LRRC4C: variants seen among roughly 807,000 people sequenced by gnomAD.
The protein encoded by LRRC4C is leucine rich repeat containing 4C.
Under a neutral mutation model 33.6 loss-of-function variants are expected in LRRC4C, and 5 were observed. That is an observed-to-expected ratio of 0.15 (90% CI 0.08 to 0.31). The LOEUF is 0.31. LRRC4C is among the 10% of genes least tolerant of loss of function. The pLI, the probability that LRRC4C is intolerant of heterozygous loss-of-function variation, is 1.00. For synonymous variants in LRRC4C, 329 were observed against 302.0 expected (o/e 1.09, Z -0.93); for missense variants, 560 against 796.7 (o/e 0.70, Z 3.58).
chr11:40,962,034 G>A (rs905468452), intron 1 of LRRC4C, among the ~76,000 whole-genome samples: 5 of 151,610 alleles, frequency 3.3e-5, no homozygotes, highest in South Asian at 2.1e-4. Context: ...ACTCTGGCCT[G>A]TAAGAAGCGG....
At chr11:40,558,765 G>T (rs900334195) in intron 3 of LRRC4C, among the ~76,000 whole-genome samples, 1 of 152,074 alleles carries the variant, frequency 6.6e-6, no homozygotes, top group Admixed American at 6.6e-5. Context: ...GGGTAAACAC[G>T]TGTCATGGGG....
chr11:40,610,594 A>C (rs1961116547), intron 3 of LRRC4C, among the ~76,000 whole-genome samples: 1 of 151,912 alleles, frequency 6.6e-6, no homozygotes, highest in Non-Finnish European at 1.5e-5. Flanking sequence ...ATCCTTATTC[A>C]CAAACACATA....
At chr11:40,561,579 A>AT (rs1462934841) in intron 3 of LRRC4C, among the ~76,000 whole-genome samples, 1 of 151,166 alleles carries the variant, frequency 6.6e-6, no homozygotes, top group Non-Finnish European at 1.5e-5. Context: ...CGCCCGGCTA[A>AT]TTTTTTGTAT....
At chr11:40,320,341 T>C (rs1173001150) in intron 3 of LRRC4C, among the ~76,000 whole-genome samples, 2 of 151,820 alleles carry the variant, frequency 1.3e-5, no homozygotes, top group Non-Finnish European at 2.9e-5. Flanking sequence ...CCATTTCCAC[T>C]AAAAATACAA....
intron 2 of LRRC4C, among the ~76,000 whole-genome samples, chr11:40,796,600 G>A (rs968652577): frequency 1.3e-5 from 2 of 148,486 alleles, no homozygotes; most frequent in Admixed American, 6.7e-5. Context: ...TCTGATAGCT[G>A]GTTTAGGGAA....
intron 2 of LRRC4C, among the ~76,000 whole-genome samples, chr11:40,737,275 C>A (rs1432468169): frequency 6.6e-6 from 1 of 152,038 alleles, no homozygotes; most frequent in African/African-American, 2.4e-5. Context: ...ACTGAATGGG[C>A]AAAATCTGGA....
At chr11:40,182,837 G>A (rs980298356) in intron 5 of LRRC4C, among the ~76,000 whole-genome samples, 1 of 152,144 alleles carries the variant, frequency 6.6e-6, no homozygotes, top group Non-Finnish European at 1.5e-5. Flanking sequence ...AACATATACT[G>A]AACTCTTATC....
chr11:41,400,113 T>A (rs908752486), intron 1 of LRRC4C, among the ~76,000 whole-genome samples: 4 of 152,094 alleles, frequency 2.6e-5, no homozygotes, highest in African/African-American at 9.6e-5. Context: ...TCAGGAAACA[T>A]CTAATCTAAG....
At chr11:41,310,168 T>C (rs1053158143) in intron 1 of LRRC4C, among the ~76,000 whole-genome samples, 9 of 152,362 alleles carry the variant, frequency 5.9e-5, no homozygotes, top group Non-Finnish European at 1.5e-5. Context: ...TAAAGGCATG[T>C]TGTCTAGACT....
At chr11:40,462,124 T>C (rs993077908) in intron 3 of LRRC4C, among the ~76,000 whole-genome samples, 1 of 152,096 alleles carries the variant, frequency 6.6e-6, no homozygotes, top group African/African-American at 2.4e-5. Context: ...GAAGTCATCT[T>C]AACACTGAAG....
chr11:41,275,722 T>C (rs983265977), intron 1 of LRRC4C, among the ~76,000 whole-genome samples: 5 of 152,178 alleles, frequency 3.3e-5, no homozygotes, highest in African/African-American at 7.2e-5. Context: ...TGGTAGAGAA[T>C]TGGGAATGAC....
intron 1 of LRRC4C, among the ~76,000 whole-genome samples, chr11:41,025,982 C>CT (rs1314394571): frequency 6.6e-6 from 1 of 151,650 alleles, no homozygotes; most frequent in Admixed American, 6.6e-5. Flanking sequence ...GACAATGTCC[C>CT]TGGTCACCCA....
At chr11:41,405,885 G>A (rs1954213353) in intron 1 of LRRC4C, among the ~76,000 whole-genome samples, 1 of 152,048 alleles carries the variant, frequency 6.6e-6, no homozygotes, top group African/African-American at 2.4e-5. Flanking sequence ...TGTCCTAAAT[G>A]AGCTCACAGC....
intron 3 of LRRC4C, among the ~76,000 whole-genome samples, chr11:40,473,966 C>T (rs1244698196): frequency 4.6e-5 from 7 of 151,996 alleles, no homozygotes; most frequent in South Asian, 4.1e-4. Flanking sequence ...CACAAACAAA[C>T]GGAAAAACGT....
intron 5 of LRRC4C, among the ~76,000 whole-genome samples, chr11:40,199,937 T>G (rs768598199): frequency 2.0e-5 from 3 of 151,848 alleles, no homozygotes; most frequent in Non-Finnish European, 4.4e-5. Flanking sequence ...GGATAATTGG[T>G]TCAAGGTCAC....
chr11:41,417,101 A>G (rs1055790554), intron 1 of LRRC4C, among the ~76,000 whole-genome samples: 1 of 152,082 alleles, frequency 6.6e-6, no homozygotes, highest in Admixed American at 6.6e-5. Context: ...CCACACTCTA[A>G]TTAAAATAGC....
intron 1 of LRRC4C, among the ~76,000 whole-genome samples, chr11:41,202,198 A>G (rs1292277684): frequency 6.6e-6 from 1 of 152,150 alleles, no homozygotes; most frequent in Non-Finnish European, 1.5e-5. Context: ...CCCAAATACT[A>G]AGTTTAGAGT....
chr11:41,202,296 T>C (rs1210879085), intron 1 of LRRC4C, among the ~76,000 whole-genome samples: 1 of 152,216 alleles, frequency 6.6e-6, no homozygotes. Context: ...GGAAATGATT[T>C]GGATTTCTCA....
At chr11:40,327,803 T>C (rs1270248102) in intron 3 of LRRC4C, among the ~76,000 whole-genome samples, 2 of 152,122 alleles carry the variant, frequency 1.3e-5, no homozygotes, top group Non-Finnish European at 2.9e-5. Context: ...ACACTCTACA[T>C]TGACTCTAGA....
Sources: gnomAD v4.1 joint callset for allele counts (sites outside exome capture counted in the v4.1 genomes callset) on GRCh38, gnomAD v4.1.1 for gene constraint, MANE v1.5 for transcripts, NCBI Gene and HGNC (gene_info 2026-07-23, HGNC 2026-07-21) for gene names.